Variants in GPM6A observed in about 807,000 individuals in gnomAD.
The protein encoded by GPM6A is neuronal membrane glycoprotein M6-a.
In GPM6A, 7 loss-of-function variants were observed where a neutral mutation model predicts 32.1. The observed-to-expected ratio is 0.22, with a 90% CI of 0.12 to 0.41. The LOEUF (loss-of-function observed/expected upper bound fraction) is 0.41. Among genes scored for constraint, GPM6A ranks in the 10% least tolerant of loss-of-function variants. The pLI, the probability that GPM6A is intolerant of heterozygous loss-of-function variation, is 1.00. For missense variants in GPM6A, 235 were observed against 347.2 expected (o/e 0.68, Z 2.57); for synonymous variants, 130 against 123.4 (o/e 1.05, Z -0.35).
intron 1 of GPM6A, among the ~76,000 whole-genome samples, chr4:175,932,381 G>A (rs550887874): frequency 2.6e-4 from 39 of 152,264 alleles, no homozygotes; most frequent in Middle Eastern, 3.4e-3. Context: ...CCAGACGATG[G>A]AGCATCAAGG....
At chr4:175,916,530 T>C (rs1738499062) in intron 1 of GPM6A, among the ~76,000 whole-genome samples, 1 of 152,214 alleles carries the variant, frequency 6.6e-6, no homozygotes, top group Non-Finnish European at 1.5e-5. Flanking sequence ...ATGCTAACTG[T>C]AGATCATATG....
intron 2 of GPM6A, among the ~76,000 whole-genome samples, chr4:175,689,772 T>C (rs898718551): frequency 6.6e-6 from 1 of 152,346 alleles, no homozygotes; most frequent in East Asian, 1.9e-4. Context: ...TGCAGAACAA[T>C]GTTTGTGAGG....
At chr4:175,937,142 A>C (rs946539938) in intron 1 of GPM6A, among the ~76,000 whole-genome samples, 8 of 152,112 alleles carry the variant, frequency 5.3e-5, no homozygotes, top group African/African-American at 1.9e-4. Context: ...ATTTATCAAA[A>C]TATTAAAATT....
chr4:175,925,485 C>A (rs1449475738), intron 1 of GPM6A, among the ~76,000 whole-genome samples: 1 of 152,088 alleles, frequency 6.6e-6, no homozygotes, highest in Non-Finnish European at 1.5e-5. Context: ...AATTTTAAAT[C>A]TAATTTACAT....
intron 1 of GPM6A, among the ~76,000 whole-genome samples, chr4:175,874,272 G>C (rs543062044): frequency 4.6e-5 from 7 of 152,130 alleles, no homozygotes; most frequent in Non-Finnish European, 1.0e-4. Context: ...ATTTGTTAGA[G>C]AAAGAAAAAG....
chr4:175,812,474 A>C (rs1734970514), upstream of GPM6A: 2 of 1,229,504 alleles, frequency 1.6e-6, no homozygotes, highest in African/African-American at 1.6e-5. Flanking sequence ...GAAGATTATC[A>C]ATTTTTCTTC....
chr4:175,828,028 T>C (rs1480719466), intron 1 of GPM6A, among the ~76,000 whole-genome samples: 1 of 152,198 alleles, frequency 6.6e-6, no homozygotes, highest in African/African-American at 2.4e-5. Context: ...CAATGTGCTT[T>C]TGTGAAAATA....
At chr4:175,883,464 A>G (rs1372230845) in intron 1 of GPM6A, among the ~76,000 whole-genome samples, 1 of 152,166 alleles carries the variant, frequency 6.6e-6, no homozygotes, top group Non-Finnish European at 1.5e-5. Flanking sequence ...CTGAGTCTTC[A>G]AAATCCAGTA....
chr4:175,743,300 A>G (rs1731963588), intron 1 of GPM6A, among the ~76,000 whole-genome samples: 1 of 151,394 alleles, frequency 6.6e-6, no homozygotes, highest in African/African-American at 2.4e-5. Flanking sequence ...ATTCCAGTAT[A>G]AAGTCTGGAA....
intron 1 of GPM6A, among the ~76,000 whole-genome samples, chr4:176,000,020 T>A (rs746867413): frequency 6.6e-6 from 1 of 152,186 alleles, no homozygotes; most frequent in African/African-American, 2.4e-5. Context: ...GCCCCTCTTA[T>A]TGGCTCTTCC....
At chr4:175,739,289 G>T (rs1731787966) in intron 1 of GPM6A, among the ~76,000 whole-genome samples, 1 of 152,030 alleles carries the variant, frequency 6.6e-6, no homozygotes, top group Admixed American at 6.6e-5. Flanking sequence ...TTTTGCCGAA[G>T]AAATATAAAT....
At chr4:175,686,686 A>G (rs1743998113) in intron 2 of GPM6A, among the ~76,000 whole-genome samples, 1 of 152,228 alleles carries the variant, frequency 6.6e-6, no homozygotes, top group African/African-American at 2.4e-5. Flanking sequence ...TGGCCTCTCC[A>G]ACTATGAGAG....
chr4:175,822,132 T>C (rs1735295579), intron 1 of GPM6A, among the ~76,000 whole-genome samples: 1 of 152,136 alleles, frequency 6.6e-6, no homozygotes, highest in Non-Finnish European at 1.5e-5. Flanking sequence ...AAAAATGTTT[T>C]ATTCTCCATC....
chr4:175,832,845 A>C (rs1735656523), intron 1 of GPM6A, among the ~76,000 whole-genome samples: 2 of 152,182 alleles, frequency 1.3e-5, no homozygotes, highest in Non-Finnish European at 2.9e-5. Context: ...CACATCCACA[A>C]AGTGGACATG....
intron 1 of GPM6A, among the ~76,000 whole-genome samples, chr4:175,908,765 T>A (rs779989556): frequency 7.2e-5 from 11 of 152,058 alleles, no homozygotes; most frequent in African/African-American, 1.4e-4. Flanking sequence ...TTATTTCACA[T>A]CAACTAAAAA....
intron 4 of GPM6A, among the ~76,000 whole-genome samples, chr4:175,642,763 C>G (rs1034239830): frequency 6.6e-6 from 1 of 152,060 alleles, no homozygotes; most frequent in African/African-American, 2.4e-5. Flanking sequence ...CTCATCCAGT[C>G]CCAGATATTT....
chr4:175,805,922 A>C (rs1473276402), intron 1 of GPM6A: 2 of 152,216 alleles, frequency 1.3e-5, no homozygotes, highest in African/African-American at 4.8e-5. Flanking sequence ...TATGTTGTTC[A>C]CAGTACAAAG....
intron 1 of GPM6A, among the ~76,000 whole-genome samples, chr4:175,900,296 AAAGAAAAG>A (rs1287194354): frequency 6.7e-6 from 1 of 148,768 alleles, no homozygotes. Context: ...AGAGAGAAGA[AAAGAAAAG>A]AAGGAAAGGA....
At chr4:175,695,151 C>T (rs1038460726) in intron 2 of GPM6A, among the ~76,000 whole-genome samples, 1 of 152,184 alleles carries the variant, frequency 6.6e-6, no homozygotes, top group African/African-American at 2.4e-5. Flanking sequence ...CAGGCATAAG[C>T]CTGCTTCAGA....
Sources: gnomAD v4.1 joint callset for allele counts (sites outside exome capture counted in the v4.1 genomes callset) on GRCh38, gnomAD v4.1.1 for gene constraint, MANE v1.5 for transcripts, NCBI Gene and HGNC (gene_info 2026-07-23, HGNC 2026-07-21) for gene names.